PPP2R2B: variants seen among roughly 807,000 people sequenced by gnomAD.
The protein encoded by PPP2R2B is serine/threonine-protein phosphatase 2A 55 kDa regulatory subunit B beta isoform.
A neutral mutation model predicts 46.0 loss-of-function variants in PPP2R2B; 5 were observed. The observed-to-expected ratio is 0.11, with a 90% CI of 0.06 to 0.23. The LOEUF is 0.23. Ranked by LOEUF, PPP2R2B falls within the 10% of genes least tolerant of loss-of-function variation. PPP2R2B has a pLI of 1.00. For missense variants in PPP2R2B, 367 were observed against 575.0 expected, an observed-to-expected ratio of 0.64 and a Z score of 3.70; for synonymous variants, 215 against 206.7, an observed-to-expected ratio of 1.04 and a Z score of -0.34.
chr5:146,976,077 C>T, intron 1 of PPP2R2B, among the ~76,000 whole-genome samples: 1 of 149,970 alleles, frequency 6.7e-6, no homozygotes. Flanking sequence ...CTCTCCTAAG[C>T]TTTTACCTAA....
At chr5:146,745,160 C>CAGAGAGAGAGAGAGAGAGAG (rs747573157) in intron 2 of PPP2R2B, among the ~76,000 whole-genome samples, 16 of 95,040 alleles carry the variant, frequency 1.7e-4, no homozygotes, top group East Asian at 1.4e-3. Context: ...CAGAGAAAGA[C>CAGAGAGAGAGAGAGAGAGAG]AGAGAGAGAG....
At chr5:146,687,234 T>C (rs1778564889) in intron 5 of PPP2R2B, among the ~76,000 whole-genome samples, 1 of 152,214 alleles carries the variant, frequency 6.6e-6, no homozygotes, top group Non-Finnish European at 1.5e-5. Flanking sequence ...TCTTGATTTT[T>C]AGTCCCAGTC....
chr5:146,782,354 T>C (rs985806334), intron 2 of PPP2R2B, among the ~76,000 whole-genome samples: 1 of 152,220 alleles, frequency 6.6e-6, no homozygotes, highest in East Asian at 1.9e-4. Context: ...AAAGACACCA[T>C]TCTGAACCAA....
chr5:146,817,795 A>T (rs1758018872), intron 2 of PPP2R2B, among the ~76,000 whole-genome samples: 1 of 152,222 alleles, frequency 6.6e-6, no homozygotes. Flanking sequence ...GCTCAGTTTC[A>T]TTTCTTTGAC....
At chr5:146,801,782 C>A (rs777931702) in intron 2 of PPP2R2B, among the ~76,000 whole-genome samples, 1 of 152,150 alleles carries the variant, frequency 6.6e-6, no homozygotes, top group Non-Finnish European at 1.5e-5. Context: ...GTGCAGAATC[C>A]CCACTTAATA....
chr5:146,921,729 T>C (rs1315941174), intron 1 of PPP2R2B, among the ~76,000 whole-genome samples: 1 of 152,114 alleles, frequency 6.6e-6, no homozygotes, highest in East Asian at 1.9e-4. Flanking sequence ...TTCATCTCTG[T>C]TTCTCTTCTG....
In PPP2R2B at chr5:147,012,046, T is replaced by G. The variant is rs868283371; in HGVS notation, c.79+43619A>C. 3.0e-3 allele frequency among the ~76,000 whole-genome samples: 450 copies of G among 150,568 alleles called. 5 individuals carry two copies. Among genetic ancestry groups the G allele is most frequent in the Admixed American group, 5.3e-3 (80 of 15,014 alleles). ...ATAGTGGTCTAAAATTCTCTTTTTTTGTTGTGTCTCTGCCTGGCTTTGGTA... is the reference window on the plus strand; with the variant it reads ...ATAGTGGTCTAAAATTCTCTTTTTTGGTTGTGTCTCTGCCTGGCTTTGGTA... On this transcript the variant is annotated intron_variant, in intron 1 of 8. Coordinates refer to the PPP2R2B transcript ENST00000336640.
chr5:146,775,975 A>G (rs1755156754), intron 2 of PPP2R2B, among the ~76,000 whole-genome samples: 1 of 152,168 alleles, frequency 6.6e-6, no homozygotes. Context: ...AAAGAAATGC[A>G]AGACAAAAAT....
At chr5:146,609,922 G>A (rs1220614077) in intron 7 of PPP2R2B, among the ~76,000 whole-genome samples, 1 of 145,370 alleles carries the variant, frequency 6.9e-6, no homozygotes, top group Non-Finnish European at 1.5e-5. Context: ...GGGGAGGGGC[G>A]CCCGCCATTG....
intron 2 of PPP2R2B, among the ~76,000 whole-genome samples, chr5:146,801,329 T>A (rs2151305712): frequency 6.6e-6 from 1 of 152,318 alleles, no homozygotes; most frequent in East Asian, 1.9e-4. Context: ...TAAGTGTTCT[T>A]GCCATATATA....
At chr5:146,905,607 G>A (rs2151801341) in intron 1 of PPP2R2B, among the ~76,000 whole-genome samples, 1 of 152,188 alleles carries the variant, frequency 6.6e-6, no homozygotes, top group African/African-American at 2.4e-5. Flanking sequence ...CAGCCCAACT[G>A]CCCACCAACT....
intron 1 of PPP2R2B, among the ~76,000 whole-genome samples, chr5:146,966,560 T>C (rs1318377915): frequency 6.6e-6 from 1 of 152,226 alleles, no homozygotes; most frequent in Non-Finnish European, 1.5e-5. Context: ...CATTTTATTT[T>C]ATGCAAAAGC....
At chr5:147,040,936 G>C (rs1310312723) in intron 1 of PPP2R2B, 2 of 370,806 alleles carry the variant, frequency 5.4e-6, no homozygotes, top group African/African-American at 4.3e-5. Context: ...GTGAAAGGTA[G>C]TCGATTCTTT....
Position 146,641,528 on chromosome 5 carries a change from TTG to T in PPP2R2B, c.626-3115_626-3114del, listed in dbSNP as rs1165289476. Among the ~76,000 whole-genome samples the T allele has an allele frequency of 9.0e-3, 763 of 84,312 alleles. 12 individuals carry two copies. Among genetic ancestry groups the T allele is most frequent in the Admixed American group, 0.062 (484 of 7,844 alleles). 55.3% of individuals were successfully genotyped at this position (84,312 alleles called of 152,430 possible). On this transcript the variant is annotated intron_variant, in intron 6 of 9. Transcript: ENST00000394411. ...ATTTTTTTTTTTTTTTTTTTTTTTT[TTG>T]AAGCAGAATTTGGGACACAAGCCTG...
At chr5:146,706,341 C>G (rs1402761345) in intron 2 of PPP2R2B, 1 of 586,542 alleles carries the variant, frequency 1.7e-6, no homozygotes, top group South Asian at 1.5e-5. Context: ...GAGCTCAGGC[C>G]GTAGCTGAGG....
chr5:146,776,395 G>C (rs541889515), intron 2 of PPP2R2B, among the ~76,000 whole-genome samples: 1 of 152,084 alleles, frequency 6.6e-6, no homozygotes, highest in Non-Finnish European at 1.5e-5. Flanking sequence ...ACCATTCATT[G>C]AGGAAAGAAT....
intron 2 of PPP2R2B, among the ~76,000 whole-genome samples, chr5:146,793,248 GT>G (rs1297250509): frequency 2.6e-5 from 4 of 152,194 alleles, no homozygotes; most frequent in African/African-American, 9.6e-5. Flanking sequence ...GGTGAAAAAG[GT>G]TTGTTCAGGA....
intron 1 of PPP2R2B, among the ~76,000 whole-genome samples, chr5:146,894,086 C>T (rs376605846): frequency 4.6e-5 from 7 of 152,082 alleles, no homozygotes; most frequent in Non-Finnish European, 7.4e-5. Flanking sequence ...CCATATCTAT[C>T]CATTTACGCT....
At chr5:147,053,722 C>T (rs756886829) in intron 1 of PPP2R2B, among the ~76,000 whole-genome samples, 6 of 152,110 alleles carry the variant, frequency 3.9e-5, no homozygotes, top group Admixed American at 6.6e-5. Flanking sequence ...TAAGAAAACA[C>T]GTGGGGCATG....
Sources: gnomAD v4.1 joint callset for allele counts (sites outside exome capture counted in the v4.1 genomes callset) on GRCh38, gnomAD v4.1.1 for gene constraint, MANE v1.5 for transcripts, NCBI Gene and HGNC (gene_info 2026-07-23, HGNC 2026-07-21) for gene names.